MPP7: variants seen among roughly 807,000 people sequenced by gnomAD.
The protein encoded by MPP7 is MAGUK p55 scaffold protein 7.
MPP7 carries 60 observed loss-of-function variants against 76.5 expected under a neutral mutation model. That is an observed-to-expected ratio of 0.78 (90% confidence interval 0.64 to 0.97). MPP7 has a LOEUF of 0.97. MPP7 is among the 50% of genes least tolerant of loss of function. The pLI is 0.00. For synonymous variants in MPP7, 237 were observed against 244.5 expected (o/e 0.97, Z 0.29); for missense variants, 641 against 694.0 (o/e 0.92, Z 0.86).
At chr10:28,127,314 TCTG>T in intron 6 of MPP7, among the ~76,000 whole-genome samples, 1 of 152,342 alleles carries the variant, frequency 6.6e-6, no homozygotes, top group East Asian at 1.9e-4. Flanking sequence ...GAAAAAAATG[TCTG>T]CTTTCTCATC....
At chr10:28,263,887 T>C (rs956206899) in intron 1 of MPP7, among the ~76,000 whole-genome samples, 2 of 152,196 alleles carry the variant, frequency 1.3e-5, no homozygotes, top group African/African-American at 4.8e-5. Context: ...GTCTGGCAGC[T>C]TGGGAGTCAG....
At chr10:28,152,464 A>C (rs1054838717) in intron 3 of MPP7, among the ~76,000 whole-genome samples, 1 of 152,192 alleles carries the variant, frequency 6.6e-6, no homozygotes, top group Non-Finnish European at 1.5e-5. Flanking sequence ...AAAAGAAAAA[A>C]ATGATTTTTC....
intron 3 of MPP7, among the ~76,000 whole-genome samples, chr10:28,169,525 A>C (rs577292484): frequency 1.3e-5 from 2 of 152,256 alleles, no homozygotes; most frequent in African/African-American, 2.4e-5. Flanking sequence ...CTTTAAAAAA[A>C]ATAATTAATA....
chr10:28,180,685 C>T (rs1837030558), intron 3 of MPP7, among the ~76,000 whole-genome samples: 1 of 152,166 alleles, frequency 6.6e-6, no homozygotes. Flanking sequence ...TTCCCCCAGA[C>T]ACTCTCTGTC....
rs116497566 is a variant in MPP7, at chr10:28,111,491, A to G, written c.952+8160T>C. On this transcript the variant is annotated intron_variant, in intron 11 of 16. Coordinates refer to ENST00000683449, the MANE Select transcript of MPP7 (RefSeq NM_001318170.2). ...AAATAATGTCTTTAATAAGGGGATT[A>G]CATTTATTTTCATAGAACAGTTTTG... 3.6e-3 allele frequency among the ~76,000 whole-genome samples: 546 copies of G among 152,312 alleles called. 5 individuals are homozygous for G. The highest frequency in any genetic ancestry group is 0.013 in the African/African-American group (524 of 41,580).
chr10:28,231,526 G>A (rs1379732802), intron 2 of MPP7, among the ~76,000 whole-genome samples: 4 of 148,742 alleles, frequency 2.7e-5, no homozygotes, highest in Admixed American at 6.7e-5. Flanking sequence ...AAGAGAGTGC[G>A]AAAATTACCA....
intron 5 of MPP7, among the ~76,000 whole-genome samples, chr10:28,139,978 C>T (rs568508653): frequency 6.6e-5 from 10 of 152,168 alleles, no homozygotes; most frequent in Non-Finnish European, 1.5e-4. Context: ...TAGAAATTAA[C>T]ATCTGTAAAT....
At chr10:28,233,724 A>AG (rs1838971236) in intron 2 of MPP7, among the ~76,000 whole-genome samples, 1 of 150,702 alleles carries the variant, frequency 6.6e-6, no homozygotes, top group African/African-American at 2.4e-5. Context: ...TCTCAAAAAA[A>AG]AAAAAAAAAA....
Position 28,324,231 on chromosome 10 carries a change from T to A in MPP7, c.-132+5698A>T, listed in dbSNP as rs555656068. 3.1e-3 allele frequency among the ~76,000 whole-genome samples: 465 copies of A among 152,246 alleles called. 1 individual carries two copies. The highest frequency in any genetic ancestry group is 6.8e-3 in the Middle Eastern group (2 of 294). ...AAAGCTCCCTGGCCCCTCTGCCACGTGAGGGCACAGAGAGAAGACGTTGTC... is the reference window on the plus strand; with the variant it reads ...AAAGCTCCCTGGCCCCTCTGCCACGAGAGGGCACAGAGAGAAGACGTTGTC... On this transcript the variant is annotated intron_variant, in intron 2 of 11. Transcript: ENST00000441595.
At chr10:28,289,913 G>C (rs544506306) in intron 1 of MPP7, among the ~76,000 whole-genome samples, 3 of 152,280 alleles carry the variant, frequency 2.0e-5, no homozygotes, top group African/African-American at 7.2e-5. Context: ...CCGCCTCCCT[G>C]GCTCAAGCAA....
At chr10:28,120,009 A>G (rs1319241039) in intron 10 of MPP7, among the ~76,000 whole-genome samples, 185 bp downstream of exon 10, 1 of 152,104 alleles carries the variant, frequency 6.6e-6, no homozygotes, top group Admixed American at 6.5e-5. Flanking sequence ...ATGACCCAGT[A>G]CTGTCATATT....
At chr10:28,308,688 G>A (rs1841272760) in intron 2 of MPP7, among the ~76,000 whole-genome samples, 1 of 152,036 alleles carries the variant, frequency 6.6e-6, no homozygotes, top group Non-Finnish European at 1.5e-5. Context: ...TGAGGCAGGA[G>A]GATTGTTTAA....
At chr10:28,310,776 A>G (rs113226333) in intron 2 of MPP7, among the ~76,000 whole-genome samples, 2 of 152,278 alleles carry the variant, frequency 1.3e-5, no homozygotes, top group African/African-American at 2.4e-5. Context: ...TATTTTTGGG[A>G]AAAAGCTATA....
chr10:28,111,669 A>G lies in MPP7; in HGVS notation c.952+7982T>C, dbSNP rs188948453. ...CCTGACAATTATCAATGTTATATAC[A>G]TATCAAATGAGTTATGCAGAATCAT... On this transcript the variant is annotated intron_variant, in intron 11 of 16. Coordinates refer to ENST00000683449, the MANE Select transcript of MPP7 (RefSeq NM_001318170.2). Among the ~76,000 whole-genome samples, 10 of 152,372 alleles carry G rather than the reference A, an allele frequency of 6.6e-5. No homozygotes were observed. In the East Asian group the frequency reaches 1.5e-3, roughly 23 times the overall value.
At chr10:28,149,612 T>C (rs778724339) in intron 4 of MPP7, among the ~76,000 whole-genome samples, 3 of 152,218 alleles carry the variant, frequency 2.0e-5, no homozygotes, top group Non-Finnish European at 4.4e-5. Context: ...CATTTTTTAG[T>C]ACTGTCAGCA....
intron 2 of MPP7, 119 bp downstream of exon 2, chr10:28,238,449 T>C: frequency 1.9e-6 from 2 of 1,037,480 alleles, no homozygotes; most frequent in Non-Finnish European, 2.9e-6. Context: ...ATGTCCCTAG[T>C]GTTGGTGACA....
At chr10:28,214,671 T>C (rs1179192773) in intron 2 of MPP7, among the ~76,000 whole-genome samples, 2 of 152,174 alleles carry the variant, frequency 1.3e-5, no homozygotes, top group Non-Finnish European at 2.9e-5. Context: ...CTCCATCTTG[T>C]TTCTAACCTT....
rs147507425 is a variant in MPP7 at position 28,124,719 on chromosome 10, G to A, written c.529+291C>T. On this transcript the variant is annotated intron_variant, in intron 7 of 16. Transcript: ENST00000683449. ...AGGATGGTATTGATCTCCTGACCTCGTGATCCACCCGCCTTGGCCTCCAAA... is the reference window on the plus strand; with the variant it reads ...AGGATGGTATTGATCTCCTGACCTCATGATCCACCCGCCTTGGCCTCCAAA... 9.5e-3 allele frequency among the ~76,000 whole-genome samples: 1,434 copies of A among 151,246 alleles called. 24 individuals are homozygous for A. The highest frequency in any genetic ancestry group is 0.07 in the East Asian group (356 of 5,102).
At chr10:28,110,375 C>T (rs533623738) in intron 11 of MPP7, among the ~76,000 whole-genome samples, 4 of 152,204 alleles carry the variant, frequency 2.6e-5, no homozygotes, top group Non-Finnish European at 2.9e-5. Context: ...CAGGCGTGAG[C>T]CACTACGCCC....
Sources: gnomAD v4.1 joint callset for allele counts (sites outside exome capture counted in the v4.1 genomes callset) on GRCh38, gnomAD v4.1.1 for gene constraint, MANE v1.5 for transcripts, NCBI Gene and HGNC (gene_info 2026-07-23, HGNC 2026-07-21) for gene names.